PADI2: variants seen among roughly 807,000 people sequenced by gnomAD.
PADI2 encodes peptidyl arginine deiminase 2.
In PADI2, 70 loss-of-function variants were observed where a neutral mutation model predicts 81.1. The observed-to-expected ratio is 0.86, with a 90% CI of 0.71 to 1.05. The LOEUF (loss-of-function observed/expected upper bound fraction) is 1.05, where lower values mean the gene tolerates loss of function less well. PADI2 is among the 50% of genes least tolerant of loss of function. The probability of loss-of-function intolerance (pLI) is 0.00; values close to 1 mark genes in which losing one functional copy is unlikely to be tolerated. For synonymous variants in PADI2, 338 were observed against 358.0 expected, an observed-to-expected ratio of 0.94 and a Z score of 0.63; for missense variants, 853 against 889.9, an observed-to-expected ratio of 0.96 and a Z score of 0.53.
chr1:17,102,898 A>C, intron 3 of PADI2, 89 bp downstream of exon 3: 1 of 951,040 alleles, frequency 1.1e-6, no homozygotes, highest in Non-Finnish European at 1.7e-6. Flanking sequence ...GGTCAGCCGC[A>C]CTGAGAACCG....
intron 1 of PADI2, among the ~76,000 whole-genome samples, chr1:17,111,942 G>T (rs1490956789): frequency 6.6e-6 from 1 of 152,146 alleles, no homozygotes; most frequent in African/African-American, 2.4e-5. Context: ...GAGGGAGAGT[G>T]GTGGGAGCAG....
intron 9 of PADI2, 58 bp from the exon 10 acceptor site, chr1:17,082,710 G>A: frequency 9.9e-7 from 1 of 1,010,936 alleles, no homozygotes; most frequent in Admixed American, 2.2e-5. Context: ...TGTGCACATG[G>A]GCAGAAAACT....
chr1:17,074,992 G>A, intron 12 of PADI2, 43 bp from the exon 13 acceptor site: 1 of 1,364,016 alleles, frequency 7.3e-7, no homozygotes, highest in Non-Finnish European at 1.0e-6. Flanking sequence ...CAGTGGGAAG[G>A]CACCCAAGGA....
At chr1:17,092,944 G>C (rs1930755740) in intron 5 of PADI2, among the ~76,000 whole-genome samples, 1 of 125,442 alleles carries the variant, frequency 8.0e-6, no homozygotes, top group Non-Finnish European at 1.6e-5. Context: ...ACAAGGCCTT[G>C]TCTCAAAAAA....
Position 17,069,259 on chromosome 1 carries a change from C to T in PADI2, c.1783G>A (p.Asp595Asn), listed in dbSNP as rs777503539. 4 of 1,614,118 alleles carry T rather than the reference C, an allele frequency of 2.5e-6. No homozygotes were observed. The Admixed American group carries it at 6.7e-5, about 27-fold the overall frequency. The change falls in exon 16 of 16, where the codon GAC becomes AAC. Residue 595 changes from aspartate (D) to asparagine (N), a missense_variant. Asp to Asn is a conservative substitution (Grantham distance 23). Coordinates refer to ENST00000375486, the MANE Select transcript of PADI2 (RefSeq NM_007365.3). ...GGCTTGGGGATGCCCAGGTCCTTGT[C>T]CAGCACGATCATGTTCACCTGTGAC... ...FPNMVNMIVL[D>N]KDLGIPKPFG...
At chr1:17,092,071 T>C (rs1930717372) in intron 6 of PADI2, among the ~76,000 whole-genome samples, 1 of 151,796 alleles carries the variant, frequency 6.6e-6, no homozygotes, top group African/African-American at 2.4e-5. Context: ...TGGCAGAAAA[T>C]ACCTGGAGGT....
chr1:17,104,141 AT>A (rs1197916305), intron 2 of PADI2, among the ~76,000 whole-genome samples: 1 of 134,356 alleles, frequency 7.4e-6, no homozygotes, highest in Non-Finnish European at 1.6e-5. Flanking sequence ...AAAAAAAAAA[AT>A]TAGCTAGGCA....
At chr1:17,093,789 A>G in intron 4 of PADI2, 105 bp from the exon 5 acceptor site, 2 of 666,154 alleles carry the variant, frequency 3.0e-6, no homozygotes, top group Non-Finnish European at 5.3e-6. Context: ...AGTAGCCGCC[A>G]CCCACTGGGG....
intron 4 of PADI2, among the ~76,000 whole-genome samples, chr1:17,095,389 G>T (rs1930878233): frequency 1.3e-5 from 2 of 152,138 alleles, no homozygotes; most frequent in Admixed American, 1.3e-4. Context: ...AGCAGAATGG[G>T]AGTGGGGAAT....
chr1:17,092,518 G>T lies in PADI2; in HGVS notation c.545C>A (p.Ser182Tyr), dbSNP rs774457789. Reference protein sequence around the residue: ...VYSKEDLKDMSQMILRTKGPD... With the variant: ...VYSKEDLKDMYQMILRTKGPD... ...GCCTTTGGTCCGCAGGATCATCTGG[G>T]ACATGTCCTTGAGATCTGAGGGACA... The change falls in exon 6 of 16, where the codon TCC becomes TAC. Residue 182 changes from serine (S) to tyrosine (Y), a missense_variant. Ser to Tyr is a moderately radical substitution (Grantham distance 144). Coordinates refer to ENST00000375486, the MANE Select transcript of PADI2 (RefSeq NM_007365.3). 6.2e-7 allele frequency: 1 copy of T among 1,601,032 alleles called. No homozygotes were observed.
chr1:17,117,515 C>T (rs548663780), intron 1 of PADI2, among the ~76,000 whole-genome samples: 55 of 152,030 alleles, frequency 3.6e-4, no homozygotes, highest in African/African-American at 1.3e-3. Context: ...CCTTAAGTGC[C>T]GGTGGGGGTT....
At chr1:17,096,334 C>G (rs1288194823) in intron 3 of PADI2, among the ~76,000 whole-genome samples, 1 of 152,242 alleles carries the variant, frequency 6.6e-6, no homozygotes, top group Non-Finnish European at 1.5e-5. Flanking sequence ...GGGACGCTAG[C>G]AGAACTGGGG....
At chr1:17,088,515 C>A (rs1930547723) in intron 6 of PADI2, among the ~76,000 whole-genome samples, 1 of 152,116 alleles carries the variant, frequency 6.6e-6, no homozygotes, top group Non-Finnish European at 1.5e-5. Flanking sequence ...CCGAAATAGA[C>A]CCTGGTTATA....
intron 1 of PADI2, among the ~76,000 whole-genome samples, chr1:17,117,992 G>A (rs887300616): frequency 9.9e-5 from 15 of 152,204 alleles, no homozygotes; most frequent in African/African-American, 3.4e-4. Context: ...GGGGAAGGCA[G>A]AGGTTGAGGC....
intron 6 of PADI2, among the ~76,000 whole-genome samples, chr1:17,088,256 G>T (rs1930540831): frequency 6.6e-6 from 1 of 152,266 alleles, no homozygotes; most frequent in South Asian, 2.1e-4. Context: ...CATTGGTAAA[G>T]GCATGGAGGT....
At position 17,076,844 on chromosome 1, in the gene PADI2, TG is replaced by T. The variant is rs564589735; in HGVS notation, c.1311-1022del. On this transcript the variant is annotated intron_variant, in intron 11 of 15. Coordinates refer to ENST00000375486, the MANE Select transcript of PADI2 (RefSeq NM_007365.3). The stretch of plus-strand genomic sequence containing the variant: ...TGCCCACCTCAGCTTTCCAAAGTGC[TG>T]GGATTACAGGTGTGAGCCACCGCTC... 1.2e-3 allele frequency among the ~76,000 whole-genome samples: 186 copies of T among 152,228 alleles called. 2 individuals are homozygous for T. Among genetic ancestry groups the T allele is most frequent in the African/African-American group, 4.4e-3 (183 of 41,530 alleles).
Position 17,075,706 on chromosome 1 carries a change from C to T in PADI2, c.1428G>A (p.Met476Ile), listed in dbSNP as rs751410003. 5.0e-6 allele frequency: 8 copies of T among 1,613,760 alleles called. No homozygotes were observed. The Admixed American group carries it at 5.0e-5, about 10-fold the overall frequency. Reference sequence around the variant, plus strand: ...TTGTGCCGGGGATGGGGACAAAGGACATGAACTCATCCACGTGGCCCACAG... The same window carrying T: ...TTGTGCCGGGGATGGGGACAAAGGATATGAACTCATCCACGTGGCCCACAG... ...WLTVGHVDEF[M>I]SFVPIPGTKK... The change falls in exon 12 of 16, where the codon ATG becomes ATA. Residue 476 changes from methionine to isoleucine, a missense_variant. Met to Ile is a conservative substitution (Grantham distance 10). Coordinates refer to ENST00000375486, the MANE Select transcript of PADI2 (RefSeq NM_007365.3).
At position 17,069,258 on chromosome 1, in the gene PADI2, T is replaced by C. The variant is rs755969790; in HGVS notation, c.1784A>G (p.Asp595Gly). ...TGGCTTGGGGATGCCCAGGTCCTTGTCCAGCACGATCATGTTCACCTGTGA... is the reference window on the plus strand; with the variant it reads ...TGGCTTGGGGATGCCCAGGTCCTTGCCCAGCACGATCATGTTCACCTGTGA... ...FPNMVNMIVL[D>G]KDLGIPKPFG... The change falls in exon 16 of 16, where the codon GAC becomes GGC. Residue 595 changes from aspartate (D) to glycine (G), a missense_variant. Transcript: ENST00000375486. The C allele has an allele frequency of 1.2e-6, 2 of 1,614,130 alleles. No homozygotes were observed. Among genetic ancestry groups the C allele is most frequent in the Non-Finnish European group, 1.7e-6 (2 of 1,179,952 alleles).
intron 3 of PADI2, 147 bp downstream of exon 3, chr1:17,102,840 G>A (rs1011199364): frequency 8.0e-6 from 5 of 625,950 alleles, no homozygotes; most frequent in African/African-American, 1.8e-5. Context: ...GGGCACATGT[G>A]ACATCCCTCC....
Sources: allele counts gnomAD v4.1 joint callset (sites outside exome capture counted in the v4.1 genomes callset), GRCh38; gene constraint gnomAD v4.1.1; transcripts MANE v1.5; gene names NCBI Gene and HGNC (gene_info 2026-07-23, HGNC 2026-07-21).